Variants in A2ML1 observed in about 807,000 individuals in gnomAD.
The protein encoded by A2ML1 is alpha-2-macroglobulin-like protein 1.
In A2ML1, 161 loss-of-function variants were observed where a neutral mutation model predicts 181.9. That is an observed-to-expected ratio of 0.89 (90% CI 0.78 to 1.01). The LOEUF (loss-of-function observed/expected upper bound fraction) is 1.01. A2ML1 is among the 50% of genes least tolerant of loss of function. The pLI is 0.00. For missense variants in A2ML1, 1,670 were observed against 1,768.1 expected (o/e 0.94, Z 1.00); for synonymous variants, 663 against 666.8 (o/e 0.99, Z 0.09).
chr12:8,844,039 A>G (rs753472556), intron 12 of A2ML1, among the ~76,000 whole-genome samples: 5 of 150,408 alleles, frequency 3.3e-5, no homozygotes, highest in African/African-American at 1.2e-4. Context: ...CAATATTCCT[A>G]TGTGGCTATG....
chr12:8,876,857 C>T (rs776301419), downstream of A2ML1: 12 of 152,126 alleles, frequency 7.9e-5, no homozygotes, highest in Non-Finnish European at 1.5e-4. Flanking sequence ...ATCCTTTCCC[C>T]CAAAACTCAC....
chr12:8,868,359 T>C lies in A2ML1; in HGVS notation c.4061+2T>C, dbSNP rs1944496601. The C allele has an allele frequency of 1.9e-6, 3 of 1,610,410 alleles. No homozygotes were observed. Among genetic ancestry groups the C allele is most frequent in the Non-Finnish European group, 2.5e-6 (3 of 1,178,996 alleles). ...CTTGACTCTCACTATTCACACCAGG[T>C]GATTAAAGCTGGGGTGCTGGTGGCC... On this transcript the variant is annotated splice_donor_variant, in intron 31 of 35. Transcript: ENST00000299698. LOFTEE classifies it high-confidence loss of function.
At chr12:8,862,443 C>A (rs1266623730) in intron 28 of A2ML1, among the ~76,000 whole-genome samples, 1 of 152,166 alleles carries the variant, frequency 6.6e-6, no homozygotes, top group Non-Finnish European at 1.5e-5. Flanking sequence ...CTCAAGTGAT[C>A]CGCCCCTCTT....
intron 17 of A2ML1, 58 bp downstream of exon 17, chr12:8,849,817 C>A: frequency 6.6e-7 from 1 of 1,512,906 alleles, no homozygotes; most frequent in Non-Finnish European, 9.2e-7. Context: ...TGGAACTCTG[C>A]AGATTTCCTC....
chr12:8,857,729 C>T (rs1944118590), intron 25 of A2ML1, 141 bp downstream of exon 25: 3 of 1,132,772 alleles, frequency 2.6e-6, no homozygotes, highest in Non-Finnish European at 2.5e-6. Flanking sequence ...TTTATTTCAC[C>T]CTCATGGATG....
In A2ML1 at chr12:8,874,294, G is replaced by A. The variant is rs1443380131; in HGVS notation, c.4222-131G>A. On this transcript the variant is annotated intron_variant, in intron 33 of 35. Transcript: ENST00000299698. ...GCCTCCCAAAGTGCTGGGATTAGAGGCATGAGCCACCGTGCCTGGCGGGGC... is the reference window on the plus strand; with the variant it reads ...GCCTCCCAAAGTGCTGGGATTAGAGACATGAGCCACCGTGCCTGGCGGGGC... The A allele has an allele frequency of 3.5e-5, 22 of 630,784 alleles. 1 individual carries two copies. In the East Asian group the frequency reaches 5.7e-4, roughly 16 times the overall value. 39.1% of individuals were successfully genotyped at this position (630,784 alleles called of 1,614,324 possible). A position where few individuals can be genotyped will look rare whatever the true frequency, so the allele number is the denominator to read the frequency against.
Position 8,825,352 on chromosome 12 carries a change from T to A in A2ML1, c.409+1470T>A, listed in dbSNP as rs752308015. Among the ~76,000 whole-genome samples the A allele has an allele frequency of 5.3e-5, 8 of 152,346 alleles. No individual in the cohort carries two copies. The South Asian group carries it at 1.7e-3, about 32-fold the overall frequency. On this transcript the variant is annotated intron_variant, in intron 3 of 35. Coordinates refer to ENST00000299698, the MANE Select transcript of A2ML1 (RefSeq NM_144670.6). ...TACATTTCTCTGACAGTCAATGATT[T>A]GAGCACCTTTTTTATATACCTGTTT... is the stretch of plus-strand genomic sequence containing the variant.
chr12:8,870,733 A>T (rs1305883774), intron 33 of A2ML1, among the ~76,000 whole-genome samples: 2 of 152,120 alleles, frequency 1.3e-5, no homozygotes, highest in African/African-American at 4.8e-5. Context: ...AGAGTTGGAG[A>T]GAGAGAGTGG....
downstream of A2ML1, among the ~76,000 whole-genome samples, chr12:8,880,827 A>G (rs772885872): frequency 1.3e-5 from 2 of 152,354 alleles, no homozygotes; most frequent in African/African-American, 4.8e-5. Flanking sequence ...CTGAGGTTTC[A>G]TAGAGGCAGC....
chr12:8,843,907 A>G (rs1943578220), intron 12 of A2ML1, among the ~76,000 whole-genome samples: 1 of 151,826 alleles, frequency 6.6e-6, no homozygotes, highest in African/African-American at 2.4e-5. Flanking sequence ...TTTTTAGTAG[A>G]GACGGGGTTT....
chr12:8,866,544 T>C (rs1471787817), intron 29 of A2ML1, among the ~76,000 whole-genome samples: 1 of 152,112 alleles, frequency 6.6e-6, no homozygotes, highest in Non-Finnish European at 1.5e-5. Flanking sequence ...GAATCCTTTT[T>C]CAATGAAATC....
chr12:8,845,015 G>C, intron 12 of A2ML1: 2 of 1,421,928 alleles, frequency 1.4e-6, no homozygotes, highest in Non-Finnish European at 1.8e-6. Flanking sequence ...ATGTCAGAAG[G>C]GCTCAGGGTG....
intron 2 of A2ML1, 143 bp downstream of exon 2, chr12:8,823,508 C>T (rs1942817014): frequency 9.1e-7 from 1 of 1,099,074 alleles, no homozygotes; most frequent in Non-Finnish European, 1.3e-6. Context: ...ACCTCAATCC[C>T]CGGCTATAAC....
chr12:8,868,233 G>C lies in A2ML1; in HGVS notation c.3937G>C (p.Val1313Leu). ...GCTACCTATTTCTTCCTACCAGACGGTGTTGAGATACAATATTCTCCCTCC... is the reference window on the plus strand; with the variant it reads ...GCTACCTATTTCTTCCTACCAGACGCTGTTGAGATACAATATTCTCCCTCC... ...SGQGCVYVQT[V>L]LRYNILPPTN... The change falls in exon 31 of 36, where the codon GTG becomes CTG. Residue 1313 changes from valine to leucine, a missense_variant. By Grantham distance (32) the Val-to-Leu change is conservative. Coordinates refer to ENST00000299698, the MANE Select transcript of A2ML1 (RefSeq NM_144670.6). 1 of 1,613,954 alleles carries C rather than the reference G, an allele frequency of 6.2e-7. No homozygotes were observed. Among genetic ancestry groups the C allele is most frequent in the Middle Eastern group, 1.7e-4 (1 of 6,060 alleles).
In A2ML1 at chr12:8,829,782, G is replaced by A. The variant is rs371599441; in HGVS notation, c.462+3G>A. Reference sequence around the variant, plus strand: ...ACTTCGTTCCAGTGAATGACAAGGTGAGTTGGGAGGAGGAGAAGGAGTGGC... The same window carrying A: ...ACTTCGTTCCAGTGAATGACAAGGTAAGTTGGGAGGAGGAGAAGGAGTGGC... On this transcript the variant is annotated splice_donor_region_variant and intron_variant, in intron 4 of 35. Transcript: ENST00000299698. 1 of 1,614,096 alleles carries A rather than the reference G, an allele frequency of 6.2e-7. No homozygotes were observed. The highest frequency in any genetic ancestry group is 1.1e-5 in the South Asian group (1 of 91,074).
chr12:8,864,038 A>C, intron 29 of A2ML1, 30 bp downstream of exon 29: 1 of 1,588,608 alleles, frequency 6.3e-7, no homozygotes, highest in Non-Finnish European at 8.6e-7. Flanking sequence ...ACTGCCACTT[A>C]TCAGGTAGAA....
chr12:8,823,081 T>C (rs1942796592), intron 1 of A2ML1, 101 bp from the exon 2 acceptor site: 1 of 1,174,490 alleles, frequency 8.5e-7, no homozygotes, highest in Non-Finnish European at 1.2e-6. Flanking sequence ...AGGGGCTTGG[T>C]CTGTCTAATT....
intron 3 of A2ML1, among the ~76,000 whole-genome samples, chr12:8,825,339 ACAGT>A (rs755870670): frequency 6.6e-6 from 1 of 152,150 alleles, no homozygotes; most frequent in African/African-American, 2.4e-5. Flanking sequence ...CATTTCTCTG[ACAGT>A]CAATGATTTG....
At chr12:8,853,994 C>A in intron 20 of A2ML1, 134 bp from the exon 21 acceptor site, 1 of 1,195,052 alleles carries the variant, frequency 8.4e-7, no homozygotes, top group East Asian at 2.8e-5. Flanking sequence ...GGCCCCACCC[C>A]AGGTCTATGG....
Sources: gnomAD v4.1 joint callset for allele counts (sites outside exome capture counted in the v4.1 genomes callset) on GRCh38, gnomAD v4.1.1 for gene constraint, MANE v1.5 for transcripts, NCBI Gene and HGNC (gene_info 2026-07-23, HGNC 2026-07-21) for gene names.